Variants in CTNNA3 observed in about 807,000 individuals in gnomAD.
The protein encoded by CTNNA3 is catenin alpha 3.
A neutral mutation model predicts 95.7 loss-of-function variants in CTNNA3; 76 were observed. That is an observed-to-expected ratio of 0.79 (90% confidence interval 0.66 to 0.96). The LOEUF is 0.96. Among genes scored for constraint, CTNNA3 ranks in the 40% least tolerant of loss-of-function variants. The pLI, the probability that CTNNA3 is intolerant of heterozygous loss-of-function variation, is 0.00. For missense variants in CTNNA3, 1,191 were observed against 1,089.8 expected (o/e 1.09, Z -1.31); for synonymous variants, 431 against 374.4 (o/e 1.15, Z -1.74).
At chr10:66,619,823 A>G (rs1844680048) in intron 10 of CTNNA3, among the ~76,000 whole-genome samples, 1 of 152,122 alleles carries the variant, frequency 6.6e-6, no homozygotes, top group African/African-American at 2.4e-5. Flanking sequence ...TAATGTTTAT[A>G]TAAACTTGTA....
At chr10:66,053,416 A>G (rs1398391556) in intron 15 of CTNNA3, among the ~76,000 whole-genome samples, 1 of 152,014 alleles carries the variant, frequency 6.6e-6, no homozygotes, top group Non-Finnish European at 1.5e-5. Flanking sequence ...TATGGCATAC[A>G]TGACATATTT....
Position 66,092,188 on chromosome 10 carries a change from A to G in CTNNA3, c.1977+10969T>C, listed in dbSNP as rs551211059. 2.0e-5 allele frequency among the ~76,000 whole-genome samples: 3 copies of G among 151,924 alleles called. No homozygotes were observed. In the South Asian group the frequency reaches 6.2e-4, roughly 31 times the overall value. ...TCTCACCATATATACACAATCAACA[A>G]CGTTCAACCTCCCCATTTCTAAAAT... On this transcript the variant is annotated intron_variant, in intron 14 of 17. Transcript: ENST00000433211.
At chr10:66,546,231 G>C (rs1842031210) in intron 10 of CTNNA3, among the ~76,000 whole-genome samples, 1 of 151,856 alleles carries the variant, frequency 6.6e-6, no homozygotes, top group Admixed American at 6.6e-5. Flanking sequence ...TCACTTTTAA[G>C]TTACTAATCC....
chr10:67,542,526 T>C (rs1024160683), intron 3 of CTNNA3, among the ~76,000 whole-genome samples: 7 of 152,078 alleles, frequency 4.6e-5, no homozygotes, highest in Non-Finnish European at 1.0e-4. Flanking sequence ...TTTTCTTTGA[T>C]AAACATTTGT....
intron 13 of CTNNA3, among the ~76,000 whole-genome samples, chr10:66,121,134 T>C (rs2082555550): frequency 6.6e-6 from 1 of 152,174 alleles, no homozygotes; most frequent in Non-Finnish European, 1.5e-5. Flanking sequence ...CTCAAACCAG[T>C]GATCAGAACC....
At chr10:66,180,601 A>C (rs2085987335) in intron 13 of CTNNA3, among the ~76,000 whole-genome samples, 1 of 152,180 alleles carries the variant, frequency 6.6e-6, no homozygotes, top group Non-Finnish European at 1.5e-5. Flanking sequence ...AAATTCTTCA[A>C]AGTTGTCTCC....
chr10:66,122,034 C>T (rs1000032482), intron 13 of CTNNA3, among the ~76,000 whole-genome samples: 2 of 152,054 alleles, frequency 1.3e-5, no homozygotes, highest in African/African-American at 4.8e-5. Context: ...TGAAACATGA[C>T]ACCAGTGTTA....
intron 7 of CTNNA3, among the ~76,000 whole-genome samples, chr10:66,972,284 T>C (rs1849762774): frequency 6.6e-6 from 1 of 152,120 alleles, no homozygotes; most frequent in Non-Finnish European, 1.5e-5. Context: ...CCACATGACA[T>C]AATCAGCTCA....
chr10:66,563,634 T>A (rs1335033572), intron 10 of CTNNA3, among the ~76,000 whole-genome samples: 1 of 152,042 alleles, frequency 6.6e-6, no homozygotes, highest in Non-Finnish European at 1.5e-5. Context: ...ATTCTATTCC[T>A]ACATAAGATA....
intron 1 of CTNNA3, among the ~76,000 whole-genome samples, chr10:67,689,861 T>A (rs1186320394): frequency 2.6e-5 from 4 of 152,098 alleles, no homozygotes; most frequent in Non-Finnish European, 5.9e-5. Flanking sequence ...AGGTGCCCAG[T>A]ATTTACCCCC....
intron 13 of CTNNA3, among the ~76,000 whole-genome samples, chr10:66,131,719 A>G (rs1417065811): frequency 2.6e-5 from 4 of 152,206 alleles, no homozygotes; most frequent in Non-Finnish European, 5.9e-5. Flanking sequence ...CCAATGGAAT[A>G]GAGAATAGAG....
At chr10:66,460,420 G>T (rs2093521288) in intron 11 of CTNNA3, among the ~76,000 whole-genome samples, 1 of 152,130 alleles carries the variant, frequency 6.6e-6, no homozygotes, top group South Asian at 2.1e-4. Context: ...AAATAAAACA[G>T]TTCATGTAAG....
intron 7 of CTNNA3, among the ~76,000 whole-genome samples, chr10:66,887,548 C>T (rs1845090598): frequency 6.6e-6 from 1 of 152,012 alleles, no homozygotes; most frequent in Non-Finnish European, 1.5e-5. Context: ...AAAACTTTCT[C>T]CAACCTTAAC....
chr10:66,263,967 A>T lies in CTNNA3; in HGVS notation c.1884+16503T>A, dbSNP rs7921062. Among the ~76,000 whole-genome samples the T allele has an allele frequency of 5.1e-3, 781 of 151,774 alleles. 4 individuals carry two copies. The highest frequency in any genetic ancestry group is 0.018 in the African/African-American group (733 of 41,444). On this transcript the variant is annotated intron_variant, in intron 13 of 17. Coordinates refer to ENST00000433211, the MANE Select transcript of CTNNA3 (RefSeq NM_013266.4). ...TATCTTTCCCAGTTATTTCTTGCCA[A>T]TCTCCTTTGTTAGCTCCTCCTCTTC...
intron 13 of CTNNA3, among the ~76,000 whole-genome samples, chr10:66,257,649 A>G (rs1481162315): frequency 6.6e-6 from 1 of 152,192 alleles, no homozygotes; most frequent in African/African-American, 2.4e-5. Flanking sequence ...GATTCCCAAT[A>G]AGTTCTTCAG....
chr10:67,209,996 A>T (rs1362265392), intron 6 of CTNNA3, among the ~76,000 whole-genome samples: 1 of 152,094 alleles, frequency 6.6e-6, no homozygotes, highest in Non-Finnish European at 1.5e-5. Flanking sequence ...CTAAGAAATT[A>T]GAAAATATAA....
rs754792055 is a variant in CTNNA3 at position 66,280,471 on chromosome 10, C to A, written c.1883G>T (p.Arg628Leu). The A allele has an allele frequency of 6.2e-7, 1 of 1,601,188 alleles. No individual in the cohort carries two copies. Among genetic ancestry groups the A allele is most frequent in the Admixed American group, 1.7e-5 (1 of 57,894 alleles). Residue 628 changes from arginine (R) to leucine (L), a missense_variant and splice_region_variant, in exon 13 of 18, where the codon CGG becomes CTG. Coordinates refer to ENST00000433211, the MANE Select transcript of CTNNA3 (RefSeq NM_013266.4). Reference protein sequence around the residue: ...HDIRCSVMMIRTPEELEDVSD... With the variant: ...HDIRCSVMMILTPEELEDVSD... The stretch of plus-strand genomic sequence containing the variant: ...CAATGGAAGGAAAAGCAAACTTACC[C>A]GAATCATCATGACTGAACATCTGAT...
rs190824274 is a variant in CTNNA3 at position 66,343,827 on chromosome 10, C to T, written c.1732+35325G>A. Reference sequence around the variant, plus strand: ...ATATGTATCGAATCATCACTATGTACTCATAAGTATGTGCAATTATTATTT... The same window carrying T: ...ATATGTATCGAATCATCACTATGTATTCATAAGTATGTGCAATTATTATTT... On this transcript the variant is annotated intron_variant, in intron 12 of 17. Transcript: ENST00000433211. 3.0e-4 allele frequency among the ~76,000 whole-genome samples: 46 copies of T among 152,106 alleles called. No individual in the cohort carries two copies. The East Asian group carries it at 8.9e-3, about 29-fold the overall frequency.
chr10:66,935,295 CCTCT>C (rs1422704654), intron 7 of CTNNA3, among the ~76,000 whole-genome samples: 4 of 151,984 alleles, frequency 2.6e-5, no homozygotes, highest in Non-Finnish European at 5.9e-5. Context: ...AACAGTGAAA[CCTCT>C]CTAAGGTACA....
Sources: gnomAD v4.1 joint callset for allele counts (sites outside exome capture counted in the v4.1 genomes callset) on GRCh38, gnomAD v4.1.1 for gene constraint, MANE v1.5 for transcripts, NCBI Gene and HGNC (gene_info 2026-07-23, HGNC 2026-07-21) for gene names.